KLF12: variants seen among roughly 807,000 people sequenced by gnomAD.
KLF12 encodes Krueppel-like factor 12.
KLF12 carries 9 observed loss-of-function variants against 37.8 expected under a neutral mutation model. The ratio of observed to expected loss-of-function variants is 0.24; its 90% CI spans 0.14 to 0.42. KLF12 has a LOEUF of 0.42. KLF12 is among the 10% of genes least tolerant of loss of function. The probability of loss-of-function intolerance (pLI) is 1.00; values close to 1 mark genes in which losing one functional copy is unlikely to be tolerated. For missense variants in KLF12, 411 were observed against 516.0 expected (o/e 0.80, Z 1.97); for synonymous variants, 208 against 202.1 (o/e 1.03, Z -0.25).
the KLF12 span, among the ~76,000 whole-genome samples, chr13:74,253,279 G>A: frequency 2.6e-5 from 4 of 152,118 alleles, no homozygotes; most frequent in South Asian, 2.1e-4. Flanking sequence ...AAAAGTACAG[G>A]AATCTGACTG....
the KLF12 span, among the ~76,000 whole-genome samples, chr13:74,165,759 C>A: frequency 6.6e-6 from 1 of 152,210 alleles, no homozygotes. Context: ...GTCTCATTAG[C>A]TACAACTCCT....
intron 5 of KLF12, among the ~76,000 whole-genome samples, chr13:73,793,670 CTATTA>C (rs71115615): frequency 0.029 from 4,362 of 152,216 alleles, 121 homozygotes; most frequent in Non-Finnish European, 0.047. Flanking sequence ...CTTATAAATC[CTATTA>C]TATTAAATCT....
the KLF12 span, among the ~76,000 whole-genome samples, chr13:74,246,330 A>G: frequency 3.9e-5 from 6 of 152,194 alleles, no homozygotes; most frequent in Admixed American, 2.0e-4. Context: ...GGTGGCTCCC[A>G]TTGAAGACAG....
At chr13:74,240,045 T>C in the KLF12 span, among the ~76,000 whole-genome samples, 6 of 152,132 alleles carry the variant, frequency 3.9e-5, no homozygotes, top group Admixed American at 3.3e-4. Flanking sequence ...GTCTCGATGG[T>C]CTTTACATTT....
At chr13:73,867,416 A>G (rs200789003) in intron 3 of KLF12, among the ~76,000 whole-genome samples, 2,064 of 122,850 alleles carry the variant, frequency 0.017, 16 homozygotes, top group Admixed American at 0.021. Flanking sequence ...GTGTGTGTGT[A>G]TATATATATA....
the KLF12 span, among the ~76,000 whole-genome samples, chr13:74,250,945 G>C: frequency 4.6e-5 from 7 of 152,144 alleles, no homozygotes; most frequent in Admixed American, 3.9e-4. Context: ...GTCAGTCCCA[G>C]TCTTCCCTAG....
At chr13:73,713,442 A>G (rs1418470768) in intron 7 of KLF12, among the ~76,000 whole-genome samples, 2 of 152,224 alleles carry the variant, frequency 1.3e-5, no homozygotes, top group African/African-American at 4.8e-5. Context: ...GTTGTTAATA[A>G]CAAATTTTTT....
intron 1 of KLF12, among the ~76,000 whole-genome samples, chr13:74,065,820 G>A (rs558911802): frequency 6.6e-6 from 1 of 151,904 alleles, no homozygotes; most frequent in Non-Finnish European, 1.5e-5. Context: ...GGCTCTGAAC[G>A]ATCTCTCTAG....
chr13:73,805,144 A>G (rs1399039722), intron 5 of KLF12, among the ~76,000 whole-genome samples: 1 of 152,168 alleles, frequency 6.6e-6, no homozygotes, highest in Non-Finnish European at 1.5e-5. Flanking sequence ...TTCTTTGAAT[A>G]TTAGTAATAG....
the KLF12 span, among the ~76,000 whole-genome samples, chr13:74,180,242 G>A: frequency 6.6e-6 from 1 of 152,250 alleles, no homozygotes; most frequent in Non-Finnish European, 1.5e-5. Flanking sequence ...ATTGAAAAAA[G>A]GATTTCAAAA....
intron 2 of KLF12, among the ~76,000 whole-genome samples, chr13:73,968,533 T>C (rs187658970): frequency 6.6e-6 from 1 of 152,214 alleles, no homozygotes; most frequent in African/African-American, 2.4e-5. Context: ...AATCTGTGTA[T>C]CTTTCGTCGT....
At chr13:74,268,403 A>T in the KLF12 span, among the ~76,000 whole-genome samples, 65,271 of 151,716 alleles carry the variant, frequency 0.43, 16,851 homozygotes, top group East Asian at 0.75. Flanking sequence ...GACTTAACAG[A>T]TGCCTCTTAG....
chr13:74,007,920 C>T (rs1388822213), intron 1 of KLF12, among the ~76,000 whole-genome samples: 2 of 149,942 alleles, frequency 1.3e-5, no homozygotes, highest in African/African-American at 4.9e-5. Context: ...AAAATTAAAC[C>T]AGTTACAAAA....
At chr13:74,100,618 A>AATATAT (rs56256469) in intron 1 of KLF12, among the ~76,000 whole-genome samples, 8 of 149,512 alleles carry the variant, frequency 5.4e-5, no homozygotes, top group East Asian at 3.9e-4. Flanking sequence ...GTCCATCTCA[A>AATATAT]ATATATATAT....
chr13:73,916,208 T>TACACACACAC (rs67011700), intron 3 of KLF12, among the ~76,000 whole-genome samples: 8 of 109,966 alleles, frequency 7.3e-5, no homozygotes, highest in Non-Finnish European at 1.1e-4. Flanking sequence ...AGCTAATACT[T>TACACACACAC]ACACACACAC....
intron 5 of KLF12, among the ~76,000 whole-genome samples, chr13:73,812,361 G>A (rs9543464): frequency 0.38 from 57,150 of 149,314 alleles, 11,259 homozygotes; most frequent in Middle Eastern, 0.44. Context: ...AAATTTTCTA[G>A]GAGTGTAGAA....
chr13:74,175,662 G>A, the KLF12 span, among the ~76,000 whole-genome samples: 3 of 152,188 alleles, frequency 2.0e-5, no homozygotes, highest in African/African-American at 4.8e-5. Flanking sequence ...TGGAGACTAT[G>A]TAATTGTAAT....
Position 74,105,753 on chromosome 13 carries a change from T to C in KLF12, c.-32+27986A>G, listed in dbSNP as rs138965941. Among the ~76,000 whole-genome samples the C allele has an allele frequency of 3.9e-5, 6 of 152,280 alleles. No individual in the cohort carries two copies. The East Asian group carries it at 1.2e-3, about 29-fold the overall frequency. ...TGAAAGGATAAAGTGCTTGTTCAAA[T>C]AATTCAACACTCAAGCACTGAAAAT... On this transcript the variant is annotated intron_variant, in intron 1 of 7. Coordinates refer to ENST00000377669, the MANE Select transcript of KLF12 (RefSeq NM_007249.5).
chr13:74,299,594 T>TTTTTA, the KLF12 span, among the ~76,000 whole-genome samples: 2 of 152,186 alleles, frequency 1.3e-5, no homozygotes, highest in African/African-American at 4.8e-5. Flanking sequence ...TTTACATCTC[T>TTTTTA]TAATACTTTC....
Sources: allele counts gnomAD v4.1 joint callset (sites outside exome capture counted in the v4.1 genomes callset), GRCh38; gene constraint gnomAD v4.1.1; transcripts MANE v1.5; gene names NCBI Gene and HGNC (gene_info 2026-07-23, HGNC 2026-07-21).